The following AUTS2 variants were observed in gnomAD, a reference collection of about 807,000 sequenced individuals.
The protein encoded by AUTS2 is autism susceptibility gene 2 protein.
A neutral mutation model predicts 112.4 loss-of-function variants in AUTS2; 17 were observed. The ratio of observed to expected loss-of-function variants is 0.15; its 90% CI spans 0.10 to 0.23. The LOEUF (loss-of-function observed/expected upper bound fraction) is 0.23, where lower values mean the gene tolerates loss of function less well. Ranked by LOEUF, AUTS2 falls within the 10% of genes least tolerant of loss-of-function variation. The probability of loss-of-function intolerance (pLI) is 1.00; values close to 1 mark genes in which losing one functional copy is unlikely to be tolerated. For synonymous variants in AUTS2, 751 were observed against 702.7 expected, an observed-to-expected ratio of 1.07 and a Z score of -1.09; for missense variants, 1,510 against 1,701.6, an observed-to-expected ratio of 0.89 and a Z score of 1.98.
chr7:70,097,547 C>T (rs766600892), intron 2 of AUTS2, among the ~76,000 whole-genome samples: 29 of 152,192 alleles, frequency 1.9e-4, no homozygotes, highest in Non-Finnish European at 4.0e-4. Context: ...TTCATTCTCC[C>T]TACTTTGTCA....
chr7:69,874,582 A>G (rs1793643957), intron 1 of AUTS2, among the ~76,000 whole-genome samples: 2 of 152,164 alleles, frequency 1.3e-5, no homozygotes, highest in Non-Finnish European at 2.9e-5. Context: ...CAGTGTAGTC[A>G]CAGTGAGGTG....
At chr7:69,894,671 CAT>C (rs1433890605) in intron 1 of AUTS2, among the ~76,000 whole-genome samples, 1 of 152,168 alleles carries the variant, frequency 6.6e-6, no homozygotes, top group African/African-American at 2.4e-5. Flanking sequence ...TCATCTTTCA[CAT>C]GAGAGTTTTT....
rs745358887 is a variant in AUTS2, at chr7:70,430,828, C to CTTTTTTTT, written c.661-4906_661-4899dup. On this transcript the variant is annotated intron_variant, in intron 4 of 18. Transcript: ENST00000342771. ...TCCACATAGCAGATTGCAGTGTCGC[C>CTTTTTTTT]TTTTTTTTTTTTTTTTTTTTTTTTT... Among the ~76,000 whole-genome samples, 22 of 94,514 alleles carry CTTTTTTTT rather than the reference C, an allele frequency of 2.3e-4. 1 individual carries two copies. The highest frequency in any genetic ancestry group is 2.9e-4 in the Non-Finnish European group (15 of 51,878). 62.0% of individuals were successfully genotyped at this position (94,514 alleles called of 152,430 possible).
intron 2 of AUTS2, among the ~76,000 whole-genome samples, chr7:69,999,534 G>C (rs13228686): frequency 0.097 from 14,771 of 152,204 alleles, 776 homozygotes; most frequent in Admixed American, 0.12. Context: ...TTATCAAAGA[G>C]TGTTTAAAAT....
chr7:70,744,130 G>A (rs1788291338), intron 6 of AUTS2, among the ~76,000 whole-genome samples: 1 of 152,130 alleles, frequency 6.6e-6, no homozygotes, highest in Admixed American at 6.5e-5. Context: ...TTTTTCCTCG[G>A]GGGATGTTTG....
intron 2 of AUTS2, among the ~76,000 whole-genome samples, chr7:70,080,655 A>G (rs1803257303): frequency 6.6e-6 from 1 of 152,218 alleles, no homozygotes. Flanking sequence ...AAGTATTACC[A>G]ACACACTACT....
chr7:70,517,702 A>G (rs1464609291), intron 5 of AUTS2, among the ~76,000 whole-genome samples: 2 of 151,670 alleles, frequency 1.3e-5, no homozygotes, highest in Non-Finnish European at 2.9e-5. Flanking sequence ...TGTTCACTTA[A>G]TATACACATA....
At chr7:70,183,833 CTTT>C (rs60689973) in intron 4 of AUTS2, among the ~76,000 whole-genome samples, 11 of 137,924 alleles carry the variant, frequency 8.0e-5, no homozygotes, top group Non-Finnish European at 7.9e-5. Context: ...CTGTCTTTTT[CTTT>C]TTTTTTTTTT....
intron 4 of AUTS2, among the ~76,000 whole-genome samples, chr7:70,233,287 G>T (rs768256508): frequency 1.3e-5 from 2 of 151,908 alleles, no homozygotes; most frequent in South Asian, 2.1e-4. Context: ...CATACACCTC[G>T]CAGGCTCTCT....
Position 70,375,516 on chromosome 7 carries a change from A to C in AUTS2, c.661-60236A>C, listed in dbSNP as rs1793047018. Among the ~76,000 whole-genome samples, 4 of 152,224 alleles carry C rather than the reference A, an allele frequency of 2.6e-5. 1 individual carries two copies. Among genetic ancestry groups the C allele is most frequent in the South Asian group, 4.1e-4 (2 of 4,828 alleles). Reference sequence around the variant, plus strand: ...AGTATGGAATGCAAGAGAAGGTGTAAGTTATGGCCATTCCCCTCATGGGCC... The same window carrying C: ...AGTATGGAATGCAAGAGAAGGTGTACGTTATGGCCATTCCCCTCATGGGCC... On this transcript the variant is annotated intron_variant, in intron 4 of 18. Transcript: ENST00000342771.
At chr7:70,143,820 T>C (rs146913689) in intron 4 of AUTS2, among the ~76,000 whole-genome samples, 2 of 152,244 alleles carry the variant, frequency 1.3e-5, no homozygotes, top group East Asian at 1.9e-4. Flanking sequence ...ATAATTGCAG[T>C]GTTTCCTGTC....
intron 4 of AUTS2, among the ~76,000 whole-genome samples, chr7:70,368,425 T>A (rs1792683616): frequency 6.6e-6 from 1 of 152,028 alleles, no homozygotes; most frequent in South Asian, 2.1e-4. Context: ...CAAAGTGAGA[T>A]TGGACCTATT....
intron 5 of AUTS2, among the ~76,000 whole-genome samples, chr7:70,613,424 A>G (rs957239779): frequency 6.6e-6 from 1 of 152,122 alleles, no homozygotes; most frequent in Admixed American, 6.6e-5. Context: ...TTGCCTACAT[A>G]TTATGAAAGG....
chr7:70,511,398 AT>A (rs55716420), intron 5 of AUTS2, among the ~76,000 whole-genome samples: 119 of 148,536 alleles, frequency 8.0e-4, no homozygotes, highest in African/African-American at 2.6e-3. Flanking sequence ...TACCTCTCTT[AT>A]TTTTTTTTTC....
intron 4 of AUTS2, among the ~76,000 whole-genome samples, chr7:70,187,368 T>A (rs904350068): frequency 2.0e-5 from 3 of 152,350 alleles, no homozygotes; most frequent in Non-Finnish European, 4.4e-5. Flanking sequence ...TAGGTATATA[T>A]GTAAATATGT....
intron 2 of AUTS2, among the ~76,000 whole-genome samples, chr7:69,970,449 A>G (rs764872625): frequency 1.3e-5 from 2 of 152,190 alleles, no homozygotes; most frequent in South Asian, 4.1e-4. Context: ...TTCCTTAACC[A>G]AGGATTTTCT....
chr7:70,597,342 G>A (rs570396092), intron 5 of AUTS2, among the ~76,000 whole-genome samples: 11 of 152,344 alleles, frequency 7.2e-5, no homozygotes, highest in African/African-American at 1.7e-4. Flanking sequence ...TATTAACCCC[G>A]ATTTGTGCTC....
Position 70,486,356 on chromosome 7 carries a change from C to T in AUTS2, c.690+50575C>T, listed in dbSNP as rs547127937. On this transcript the variant is annotated intron_variant, in intron 5 of 18. Coordinates refer to ENST00000342771, the MANE Select transcript of AUTS2 (RefSeq NM_015570.4). ...CAGCAATAGCCCTGTCACCTAGGGACATTGTGAAGATTAAATGAAGTAATA... is the reference window on the plus strand; with the variant it reads ...CAGCAATAGCCCTGTCACCTAGGGATATTGTGAAGATTAAATGAAGTAATA... 3.3e-5 allele frequency among the ~76,000 whole-genome samples: 5 copies of T among 152,322 alleles called. No homozygotes were observed. The East Asian group carries it at 9.6e-4, about 29-fold the overall frequency.
At chr7:70,391,942 C>G (rs886611358) in intron 4 of AUTS2, among the ~76,000 whole-genome samples, 2 of 152,148 alleles carry the variant, frequency 1.3e-5, no homozygotes, top group African/African-American at 4.8e-5. Flanking sequence ...GCTTCCCTGA[C>G]CTGCTCCTGC....
Sources: allele counts gnomAD v4.1 joint callset (sites outside exome capture counted in the v4.1 genomes callset), GRCh38; gene constraint gnomAD v4.1.1; transcripts MANE v1.5; gene names NCBI Gene and HGNC (gene_info 2026-07-23, HGNC 2026-07-21).